The following PIK3C2A variants were observed in gnomAD, a reference collection of about 807,000 sequenced individuals.
The protein encoded by PIK3C2A is phosphatidylinositol 4-phosphate 3-kinase C2 domain-containing subunit alpha.
Under a neutral mutation model 204.5 loss-of-function variants are expected in PIK3C2A, and 97 were observed. The ratio of observed to expected loss-of-function variants is 0.47; its 90% CI spans 0.40 to 0.56. The LOEUF is 0.56. Among genes scored for constraint, PIK3C2A ranks in the 20% least tolerant of loss-of-function variants. The pLI, the probability that PIK3C2A is intolerant of heterozygous loss-of-function variation, is 0.00. For synonymous variants in PIK3C2A, 653 were observed against 664.4 expected (o/e 0.98, Z 0.26); for missense variants, 1,735 against 1,969.2 (o/e 0.88, Z 2.25).
chr11:17,193,872 GAAAAGAAAAGAAAA>G (rs1852035147), intron 1 of PIK3C2A: 1 of 168,712 alleles, frequency 5.9e-6, no homozygotes. Flanking sequence ...GAAAAGAAAA[GAAAAGAAAAGAAAA>G]GAAAAGAAAA....
intron 2 of PIK3C2A, among the ~76,000 whole-genome samples, chr11:17,156,618 A>G (rs915754826): frequency 1.3e-5 from 2 of 152,188 alleles, no homozygotes; most frequent in African/African-American, 2.4e-5. Flanking sequence ...CCTGGGCTCA[A>G]GCAATCTGCC....
chr11:17,109,606 T>C (rs182254467), intron 22 of PIK3C2A, among the ~76,000 whole-genome samples: 163 of 152,342 alleles, frequency 1.1e-3, no homozygotes, highest in African/African-American at 3.7e-3. Flanking sequence ...CTGTTTTACC[T>C]GGGTTGGAGT....
intron 12 of PIK3C2A, among the ~76,000 whole-genome samples, chr11:17,131,470 G>A (rs1849692468): frequency 7.0e-6 from 1 of 143,572 alleles, no homozygotes; most frequent in Non-Finnish European, 1.5e-5. Flanking sequence ...TGCCTAGGCT[G>A]GAGTGCGGTG....
chr11:17,190,840 G>A (rs1312512380), intron 1 of PIK3C2A, among the ~76,000 whole-genome samples: 1 of 152,160 alleles, frequency 6.6e-6, no homozygotes, highest in East Asian at 1.9e-4. Flanking sequence ...TCTAAGTTCT[G>A]TGGGACAATT....
chr11:17,158,256 G>A (rs577110642), intron 2 of PIK3C2A, among the ~76,000 whole-genome samples: 7 of 151,906 alleles, frequency 4.6e-5, no homozygotes, highest in South Asian at 2.1e-4. Flanking sequence ...GCTGAGGCAG[G>A]AGAATCACTT....
At chr11:17,182,133 G>C (rs1379842988) in intron 1 of PIK3C2A, among the ~76,000 whole-genome samples, 1 of 151,214 alleles carries the variant, frequency 6.6e-6, no homozygotes, top group African/African-American at 2.4e-5. Context: ...TACTCACAAA[G>C]TTATAATCAG....
chr11:17,090,591 A>AG (rs1848279981), intron 32 of PIK3C2A, among the ~76,000 whole-genome samples: 1 of 152,198 alleles, frequency 6.6e-6, no homozygotes, highest in African/African-American at 2.4e-5. Context: ...ACTATTATAG[A>AG]GGGGGGTTCA....
chr11:17,135,163 C>T lies in PIK3C2A; in HGVS notation c.1849-4G>A, dbSNP rs1354822520. ...CTCCTCCAAACAAAGAAGTCACCTA[C>T]ACATGCACACACACACACAATAGTC... On this transcript the variant is annotated splice_polypyrimidine_tract_variant and splice_region_variant and intron_variant, in intron 9 of 32. Transcript: ENST00000691414. 6.2e-7 allele frequency: 1 copy of T among 1,613,816 alleles called. No individual in the cohort carries two copies. The highest frequency in any genetic ancestry group is 1.1e-5 in the South Asian group (1 of 91,076).
chr11:17,168,131 T>G (rs1300930444), intron 2 of PIK3C2A, among the ~76,000 whole-genome samples: 1 of 152,168 alleles, frequency 6.6e-6, no homozygotes, highest in Non-Finnish European at 1.5e-5. Flanking sequence ...GTTCCTTCAT[T>G]AGAGGCTTTT....
Position 17,169,128 on chromosome 11 carries a change from G to A in PIK3C2A, c.614C>T (p.Pro205Leu). The part of the protein sequence containing the change: ...YFSYPLTPAT[P>L]FHPQGSLPIY... ...AGGTAAGCTTCCTTGTGGATGAAAG[G>A]GTGTGGCAGGTGTCAAAGGATATGA... is the stretch of plus-strand genomic sequence containing the variant. The change falls in exon 2 of 33, where the codon CCC becomes CTC. Residue 205 changes from proline to leucine, a missense_variant. By Grantham distance (98) the Pro-to-Leu change is moderately conservative. Coordinates refer to ENST00000691414, the MANE Select transcript of PIK3C2A (RefSeq NM_002645.4). 1 of 1,614,128 alleles carries A rather than the reference G, an allele frequency of 6.2e-7. No homozygotes were observed. The highest frequency in any genetic ancestry group is 8.5e-7 in the Non-Finnish European group (1 of 1,180,000).
chr11:17,105,561 A>G (rs1848784152), intron 22 of PIK3C2A, among the ~76,000 whole-genome samples: 1 of 152,050 alleles, frequency 6.6e-6, no homozygotes, highest in Non-Finnish European at 1.5e-5. Flanking sequence ...CCCACCTGCC[A>G]ACAGGCCCTG....
At chr11:17,091,911 C>G in intron 30 of PIK3C2A, 85 bp downstream of exon 30, 1 of 873,594 alleles carries the variant, frequency 1.1e-6, no homozygotes, top group Non-Finnish European at 2.0e-6. Flanking sequence ...AGCTAGTAAG[C>G]CTGCTGTCAT....
chr11:17,151,269 A>T (rs928138606), intron 3 of PIK3C2A, among the ~76,000 whole-genome samples: 3 of 152,180 alleles, frequency 2.0e-5, no homozygotes, highest in Admixed American at 2.0e-4. Context: ...TAAATACATG[A>T]ATGTGGTGTA....
At chr11:17,118,118 C>CCT (rs1189725531) in intron 18 of PIK3C2A, among the ~76,000 whole-genome samples, 1 of 149,248 alleles carries the variant, frequency 6.7e-6, no homozygotes, top group Non-Finnish European at 1.5e-5. Flanking sequence ...GTTGCCCAGG[C>CCT]TGGAGTCCAG....
intron 1 of PIK3C2A, among the ~76,000 whole-genome samples, chr11:17,207,409 T>C (rs1852619699): frequency 6.6e-6 from 1 of 152,042 alleles, no homozygotes. Context: ...GGGCCGTCAC[T>C]GAGAAGTACA....
At chr11:17,121,101 C>G (rs1849352858) in intron 15 of PIK3C2A, among the ~76,000 whole-genome samples, 1 of 151,910 alleles carries the variant, frequency 6.6e-6, no homozygotes, top group Non-Finnish European at 1.5e-5. Flanking sequence ...CATTTCCAAT[C>G]AATTTTTCTT....
At chr11:17,123,765 AAAG>A (rs1374529498) in intron 13 of PIK3C2A, among the ~76,000 whole-genome samples, 3 of 21,520 alleles carry the variant, frequency 1.4e-4, no homozygotes, top group African/African-American at 6.0e-4. Flanking sequence ...GTATTTATAA[AAAG>A]AAGCAATGGG....
intron 32 of PIK3C2A, 89 bp from the exon 33 acceptor site, chr11:17,090,009 G>T: frequency 1.1e-6 from 1 of 949,706 alleles, no homozygotes; most frequent in Non-Finnish European, 1.6e-6. Context: ...GAGAATATTA[G>T]CCAAAGAGTG....
chr11:17,198,191 C>T (rs919280306), intron 1 of PIK3C2A, among the ~76,000 whole-genome samples: 5 of 151,780 alleles, frequency 3.3e-5, no homozygotes, highest in Non-Finnish European at 1.5e-5. Flanking sequence ...TCATTGCAAC[C>T]TCCACCTCCC....
Sources: allele counts gnomAD v4.1 joint callset (sites outside exome capture counted in the v4.1 genomes callset), GRCh38; gene constraint gnomAD v4.1.1; transcripts MANE v1.5; gene names NCBI Gene and HGNC (gene_info 2026-07-23, HGNC 2026-07-21).